ADAM12: variants seen among roughly 807,000 people sequenced by gnomAD.
ADAM12 encodes the protein ADAM metallopeptidase domain 12.
A neutral mutation model predicts 106.4 loss-of-function variants in ADAM12; 70 were observed. The observed-to-expected ratio is 0.66, with a 90% CI of 0.54 to 0.80. The LOEUF (loss-of-function observed/expected upper bound fraction) is 0.80. ADAM12 is among the 30% of genes least tolerant of loss of function. ADAM12 has a pLI of 0.00. For missense variants in ADAM12, 1,010 were observed against 1,171.9 expected, an observed-to-expected ratio of 0.86 and a Z score of 2.02; for synonymous variants, 420 against 433.5, an observed-to-expected ratio of 0.97 and a Z score of 0.39.
chr10:126,117,931 A>C (rs1412772307), intron 6 of ADAM12, 107 bp downstream of exon 6: 2 of 1,304,244 alleles, frequency 1.5e-6, no homozygotes, highest in African/African-American at 2.9e-5. Flanking sequence ...CATCCCCCAG[A>C]TGCCGCATCA....
chr10:126,188,798 C>CCATCCATCCCCCATCAAGCCATTTAT, intron 3 of ADAM12, among the ~76,000 whole-genome samples: 1 of 152,252 alleles, frequency 6.6e-6, no homozygotes, highest in East Asian at 1.9e-4. Flanking sequence ...ATCCTTTCAT[C>CCATCCATCCCCCATCAAGCCATTTAT]CATCCATCCC....
intron 4 of ADAM12, among the ~76,000 whole-genome samples, chr10:126,138,882 A>AT (rs1360939353): frequency 6.6e-6 from 1 of 151,288 alleles, no homozygotes; most frequent in Non-Finnish European, 1.5e-5. Flanking sequence ...TCTTGAATTA[A>AT]TTTTTGTATG....
chr10:126,030,039 A>T (rs2133387813), intron 21 of ADAM12, among the ~76,000 whole-genome samples: 1 of 152,364 alleles, frequency 6.6e-6, no homozygotes. Context: ...GTAGCAAATG[A>T]TTGAAAACAA....
intron 3 of ADAM12, among the ~76,000 whole-genome samples, chr10:126,177,983 C>T (rs768615268): frequency 1.3e-5 from 2 of 152,152 alleles, no homozygotes; most frequent in African/African-American, 2.4e-5. Context: ...AGTTTATTAA[C>T]CTCAATTCTG....
intron 9 of ADAM12, among the ~76,000 whole-genome samples, chr10:126,099,181 C>T (rs1955612182): frequency 1.3e-5 from 2 of 152,308 alleles, no homozygotes; most frequent in East Asian, 3.9e-4. Context: ...GCTGTTAATT[C>T]CAACCTCATG....
At chr10:126,346,058 T>C (rs1440829317) in intron 1 of ADAM12, among the ~76,000 whole-genome samples, 3 of 152,214 alleles carry the variant, frequency 2.0e-5, no homozygotes, top group African/African-American at 7.2e-5. Context: ...TTGCCCCTTC[T>C]GCTAGCTTTT....
intron 14 of ADAM12, among the ~76,000 whole-genome samples, chr10:126,055,815 G>A (rs1954618013): frequency 6.6e-6 from 1 of 152,192 alleles, no homozygotes; most frequent in Non-Finnish European, 1.5e-5. Context: ...AGGTGAGGAC[G>A]ACAGCTGCCT....
rs1204843665 is a variant in ADAM12, at chr10:126,076,173, C to T, written c.1146-4519G>A. Among the ~76,000 whole-genome samples, 9 of 152,270 alleles carry T rather than the reference C, an allele frequency of 5.9e-5. 1 individual carries two copies. The South Asian group carries it at 8.3e-4, about 14-fold the overall frequency. Reference sequence around the variant, plus strand: ...TAGTGCCCACTTATAAGTGAGAACACGTGGTATTTGACTTGCTATTCTTGC... The same window carrying T: ...TAGTGCCCACTTATAAGTGAGAACATGTGGTATTTGACTTGCTATTCTTGC... On this transcript the variant is annotated intron_variant, in intron 11 of 22. Transcript: ENST00000448723.
chr10:126,045,996 A>C, intron 17 of ADAM12, 59 bp downstream of exon 17: 2 of 1,448,846 alleles, frequency 1.4e-6, no homozygotes, highest in Non-Finnish European at 1.9e-6. Context: ...TTACAAATGA[A>C]TGTATTATTA....
intron 12 of ADAM12, among the ~76,000 whole-genome samples, chr10:126,070,132 G>T (rs889802452): frequency 6.6e-6 from 1 of 152,138 alleles, no homozygotes; most frequent in African/African-American, 2.4e-5. Context: ...GGCCTACAAG[G>T]AATTTCCCCT....
intron 18 of ADAM12, among the ~76,000 whole-genome samples, 191 bp from the exon 19 acceptor site, chr10:126,039,620 T>C (rs1232185161): frequency 6.6e-6 from 1 of 152,238 alleles, no homozygotes; most frequent in Non-Finnish European, 1.5e-5. Context: ...GTTACCATCA[T>C]TCATTTCTGA....
In ADAM12 at chr10:126,336,310, A is replaced by G. The variant is rs537984942; in HGVS notation, c.89-5801T>C. Among the ~76,000 whole-genome samples, 3 of 152,348 alleles carry G rather than the reference A, an allele frequency of 2.0e-5. No individual in the cohort carries two copies. The Middle Eastern group carries it at 0.01, about 518-fold the overall frequency. Reference sequence around the variant, plus strand: ...ATTTTTAAAATTTAATCTGAATTTTACAAGAATAATCATGTCATTCTGGAG... The same window carrying G: ...ATTTTTAAAATTTAATCTGAATTTTGCAAGAATAATCATGTCATTCTGGAG... On this transcript the variant is annotated intron_variant, in intron 1 of 22. Coordinates refer to ENST00000448723, the MANE Select transcript of ADAM12 (RefSeq NM_001288973.2).
At position 126,064,890 on chromosome 10, in the gene ADAM12, G is replaced by A; in HGVS notation, c.1525C>T (p.His509Tyr). ...CPANVYLHDG[H>Y]SCQDVDGYCY... ...TAGCCGTCCACATCCTGACATGAGT[G>A]CCCATCGTGCAGGTACACGTTGGCT... The change falls in exon 14 of 23, where the codon CAC (histidine) becomes TAC (tyrosine). Residue 509 changes from histidine (H) to tyrosine (Y), a missense_variant. Transcript: ENST00000448723. This position sits in a 1 kb window ranked among gnomAD's most constrained non-coding sequence, Gnocchi z 4.4. 6.2e-7 allele frequency: 1 copy of A among 1,612,850 alleles called. No homozygotes were observed. The highest frequency in any genetic ancestry group is 8.5e-7 in the Non-Finnish European group (1 of 1,179,560).
Position 126,017,098 on chromosome 10 carries a change from C to T in ADAM12, c.*181G>A. On this transcript the variant is annotated 3_prime_UTR_variant, in exon 23 of 23. Transcript: ENST00000448723. ...GCATAAATTAATAATTTACAAGTACCTGAGCAAGTAGACAGAGCACCATAG... is the reference window on the plus strand; with the variant it reads ...GCATAAATTAATAATTTACAAGTACTTGAGCAAGTAGACAGAGCACCATAG... The T allele has an allele frequency of 1.8e-6, 1 of 550,820 alleles. No homozygotes were observed. The highest frequency in any genetic ancestry group is 3.2e-6 in the Non-Finnish European group (1 of 309,658). The allele number at this position is 550,820 out of a possible 1,614,324, so 34.1% of individuals were successfully genotyped here.
Position 126,064,827 on chromosome 10 carries a change from ACTG to A in ADAM12, c.1585_1587del (p.Gln529del). 6.2e-7 allele frequency: 1 copy of A among 1,609,148 alleles called. No homozygotes were observed. Among genetic ancestry groups the A allele is most frequent in the Non-Finnish European group, 8.5e-7 (1 of 1,177,936 alleles). ...GTACCTGGTCCCCAGAGCGTGACAC[ACTG>A]CTGCTCGTGAGTCTGGCAGATGCCA... On this transcript the variant is annotated inframe_deletion, in exon 14 of 23. Transcript: ENST00000448723. This position sits in a 1 kb window ranked among gnomAD's most constrained non-coding sequence, Gnocchi z 4.4.
intron 5 of ADAM12, among the ~76,000 whole-genome samples, chr10:126,133,910 G>A (rs1462928275): frequency 1.3e-5 from 2 of 152,104 alleles, no homozygotes; most frequent in African/African-American, 2.4e-5. Context: ...CTGACTACCT[G>A]TTGCCTTTCC....
intron 4 of ADAM12, among the ~76,000 whole-genome samples, chr10:126,138,832 A>C (rs1415924638): frequency 1.9e-5 from 1 of 51,904 alleles, no homozygotes; most frequent in Non-Finnish European, 4.0e-5. Flanking sequence ...TCTTTTTAAG[A>C]GTTGTATGGG....
intron 3 of ADAM12, among the ~76,000 whole-genome samples, chr10:126,270,746 G>T (rs1041896744): frequency 1.3e-5 from 2 of 152,140 alleles, no homozygotes; most frequent in East Asian, 3.9e-4. Flanking sequence ...TTCAAGGAGG[G>T]CAGGAGTCCA....
At chr10:126,363,820 G>C (rs1208779044) in intron 1 of ADAM12, among the ~76,000 whole-genome samples, 1 of 152,142 alleles carries the variant, frequency 6.6e-6, no homozygotes, top group Non-Finnish European at 1.5e-5. Flanking sequence ...CGAAAGATGG[G>C]TTTTATTGTT....
Sources: gnomAD v4.1 joint callset for allele counts (sites outside exome capture counted in the v4.1 genomes callset) on GRCh38, gnomAD v4.1.1 for gene constraint, Gnocchi (gnomAD v3.1) non-coding constraint, MANE v1.5 for transcripts, NCBI Gene and HGNC (gene_info 2026-07-23, HGNC 2026-07-21) for gene names.